The following ZFAT variants were observed in gnomAD, a reference collection of about 807,000 sequenced individuals.
ZFAT encodes zinc finger protein ZFAT.
A neutral mutation model predicts 117.7 loss-of-function variants in ZFAT; 64 were observed. That is an observed-to-expected ratio of 0.54 (90% CI 0.44 to 0.67). The LOEUF (loss-of-function observed/expected upper bound fraction) is 0.67, where lower values mean the gene tolerates loss of function less well. Ranked by LOEUF, ZFAT falls within the 30% of genes least tolerant of loss-of-function variation. The pLI is 0.00. For synonymous variants in ZFAT, 679 were observed against 615.0 expected (o/e 1.10, Z -1.54); for missense variants, 1,433 against 1,584.5 (o/e 0.90, Z 1.62).
chr8:134,506,906 T>G (rs1211258841), intron 15 of ZFAT, among the ~76,000 whole-genome samples: 1 of 152,226 alleles, frequency 6.6e-6, no homozygotes, highest in African/African-American at 2.4e-5. Context: ...ATCACATACT[T>G]TATGATGAGG....
chr8:134,706,726 C>G (rs1834161347), intron 1 of ZFAT, among the ~76,000 whole-genome samples: 1 of 151,910 alleles, frequency 6.6e-6, no homozygotes, highest in Non-Finnish European at 1.5e-5. Flanking sequence ...CTAGTGGTTG[C>G]TTGGGGTGAG....
chr8:134,766,701 C>T, the ZFAT span: 1 of 152,154 alleles, frequency 6.6e-6, no homozygotes, highest in Non-Finnish European at 1.5e-5. Flanking sequence ...TAAATTATAA[C>T]CATATAATGT....
the ZFAT span, among the ~76,000 whole-genome samples, chr8:134,800,250 A>ATTTTAATAATT: frequency 6.6e-6 from 1 of 151,688 alleles, no homozygotes; most frequent in African/African-American, 2.4e-5. Flanking sequence ...ATTTAAAGGA[A>ATTTTAATAATT]TTTTAATAAA....
chr8:134,753,393 C>T, the ZFAT span, among the ~76,000 whole-genome samples: 2 of 152,138 alleles, frequency 1.3e-5, no homozygotes, highest in African/African-American at 4.8e-5. Context: ...TGAATTATAA[C>T]TTATGAATGA....
In ZFAT at chr8:134,712,876, C is replaced by A. The variant is rs565085593; in HGVS notation, c.-13G>T. ...CCCGCGTCTCCATGGCAACGCCCCA[C>A]CGCGGAGGAAAAAAAAGCCTCGGGC... On this transcript the variant is annotated 5_prime_UTR_variant, in exon 1 of 16. Coordinates refer to ENST00000377838, the MANE Select transcript of ZFAT (RefSeq NM_020863.4). 2.7e-6 allele frequency: 4 copies of A among 1,508,428 alleles called. No homozygotes were observed. In the African/African-American group the frequency reaches 5.8e-5, roughly 22 times the overall value. The allele number at this position is 1,508,428 out of a possible 1,614,324, so 93.4% of individuals were successfully genotyped here.
the ZFAT span, chr8:134,784,590 A>G: frequency 6.6e-5 from 10 of 152,146 alleles, no homozygotes; most frequent in Non-Finnish European, 1.0e-4. Flanking sequence ...CGAGTATCAT[A>G]TGTATTCTGT....
chr8:134,514,246 G>A (rs1232753398), intron 13 of ZFAT, among the ~76,000 whole-genome samples: 2 of 152,176 alleles, frequency 1.3e-5, no homozygotes, highest in African/African-American at 4.8e-5. Context: ...TTGGGTTCAC[G>A]GCTCTGCATA....
the ZFAT span, among the ~76,000 whole-genome samples, chr8:134,742,797 G>T: frequency 3.3e-5 from 5 of 152,172 alleles, no homozygotes; most frequent in African/African-American, 1.2e-4. Flanking sequence ...CTGGGCTAGG[G>T]TATCACATAG....
chr8:134,625,100 C>T (rs1056067625), intron 3 of ZFAT, among the ~76,000 whole-genome samples: 1 of 152,200 alleles, frequency 6.6e-6, no homozygotes, highest in East Asian at 1.9e-4. Flanking sequence ...CACACTGATT[C>T]GAACCTGCTG....
chr8:134,620,953 C>A (rs1037848072), intron 3 of ZFAT, among the ~76,000 whole-genome samples: 1 of 152,154 alleles, frequency 6.6e-6, no homozygotes, highest in Non-Finnish European at 1.5e-5. Flanking sequence ...TCAAAATGAA[C>A]CCTCTTCAAA....
intron 1 of ZFAT, among the ~76,000 whole-genome samples, chr8:134,672,562 A>T (rs1001936898): frequency 1.2e-4 from 19 of 152,246 alleles, no homozygotes; most frequent in African/African-American, 3.4e-4. Flanking sequence ...ATAATAATAA[A>T]AAAAAAGAAA....
chr8:134,774,290 C>T, the ZFAT span, among the ~76,000 whole-genome samples: 1 of 152,136 alleles, frequency 6.6e-6, no homozygotes, highest in East Asian at 1.9e-4. Context: ...AGACACTACG[C>T]CTGGGCTTAA....
intron 1 of ZFAT, among the ~76,000 whole-genome samples, chr8:134,695,184 T>A (rs1451030991): frequency 1.3e-5 from 2 of 152,108 alleles, no homozygotes; most frequent in Admixed American, 1.3e-4. Context: ...GCAAGGGGGT[T>A]GCGTCCACAT....
intron 1 of ZFAT, among the ~76,000 whole-genome samples, chr8:134,691,891 C>G (rs1833605214): frequency 6.6e-6 from 1 of 152,188 alleles, no homozygotes; most frequent in Admixed American, 6.5e-5. Context: ...AAGACCAGAA[C>G]ATTTCCAGAG....
the ZFAT span, among the ~76,000 whole-genome samples, chr8:134,830,916 T>C: frequency 6.6e-6 from 1 of 152,210 alleles, no homozygotes. Context: ...AGCATACACA[T>C]ACATGATGAC....
chr8:134,687,766 G>A (rs1035869495), intron 1 of ZFAT, among the ~76,000 whole-genome samples: 2 of 152,180 alleles, frequency 1.3e-5, no homozygotes, highest in Admixed American at 1.3e-4. Flanking sequence ...AAAGTAAAAG[G>A]AGCAAAATCC....
chr8:134,541,000 G>T (rs1373865045), intron 11 of ZFAT, among the ~76,000 whole-genome samples: 1 of 152,154 alleles, frequency 6.6e-6, no homozygotes, highest in African/African-American at 2.4e-5. Context: ...AGGGGAGAGG[G>T]GCCAGTTCTC....
intron 7 of ZFAT, among the ~76,000 whole-genome samples, chr8:134,594,205 T>G (rs540472297): frequency 8.0e-4 from 122 of 152,302 alleles, no homozygotes; most frequent in Middle Eastern, 6.8e-3. Flanking sequence ...AACACCTAAA[T>G]GGAGCAACAC....
intron 13 of ZFAT, among the ~76,000 whole-genome samples, chr8:134,516,029 G>A (rs1170516841): frequency 6.6e-6 from 1 of 152,162 alleles, no homozygotes; most frequent in Non-Finnish European, 1.5e-5. Flanking sequence ...ATCTAAATGA[G>A]GTTCACACAT....
Sources: allele counts gnomAD v4.1 joint callset (sites outside exome capture counted in the v4.1 genomes callset), GRCh38; gene constraint gnomAD v4.1.1; transcripts MANE v1.5; gene names NCBI Gene and HGNC (gene_info 2026-07-23, HGNC 2026-07-21).